VIL1: variants seen among roughly 807,000 people sequenced by gnomAD.
VIL1 encodes villin-1.
Under a neutral mutation model 104.0 loss-of-function variants are expected in VIL1, and 86 were observed. That is an observed-to-expected ratio of 0.83 (90% CI 0.69 to 0.99). VIL1 has a LOEUF of 0.99. Ranked by LOEUF, VIL1 falls within the 50% of genes least tolerant of loss-of-function variation. The pLI is 0.00. For missense variants in VIL1, 944 were observed against 1,054.1 expected, an observed-to-expected ratio of 0.90 and a Z score of 1.45; for synonymous variants, 394 against 412.6, an observed-to-expected ratio of 0.95 and a Z score of 0.55.
chr2:218,446,371 A>C lies in VIL1; in HGVS notation c.2371-2852A>C, dbSNP rs566635813. 2.6e-5 allele frequency among the ~76,000 whole-genome samples: 4 copies of C among 152,102 alleles called. No individual in the cohort carries two copies. The East Asian group carries it at 7.7e-4, about 29-fold the overall frequency. ...TGCCTCAGGCTCCCGAGTAGCTGAG[A>C]ATACAGGTTCCCACCATCATGCCTG... On this transcript the variant is annotated intron_variant, in intron 19 of 19. Transcript: ENST00000248444.
At chr2:218,423,380 G>A (rs1038754810) in intron 1 of VIL1, among the ~76,000 whole-genome samples, 16 of 152,180 alleles carry the variant, frequency 1.1e-4, no homozygotes, top group Non-Finnish European at 2.4e-4. Flanking sequence ...GTGCGACAGA[G>A]CGGGACTCCA....
chr2:218,433,043 G>C (rs955637569), intron 13 of VIL1, 92 bp downstream of exon 13: 1 of 1,513,390 alleles, frequency 6.6e-7, no homozygotes, highest in Non-Finnish European at 9.0e-7. Flanking sequence ...TGGGAGCAGG[G>C]CTTGAGGTGA....
At position 218,429,838 on chromosome 2, in the gene VIL1, C is replaced by T. The variant is rs770833042; in HGVS notation, c.850-11C>T. The T allele has an allele frequency of 1.2e-6, 2 of 1,612,464 alleles. No homozygotes were observed. The highest frequency in any genetic ancestry group is 1.7e-6 in the Non-Finnish European group (2 of 1,178,718). On this transcript the variant is annotated splice_polypyrimidine_tract_variant and intron_variant, in intron 8 of 19. Transcript: ENST00000248444. ...CCAGCTCCATCAGACTCTTACCTCTCCCGACTCTAGGACTGTTACATCCTG... is the reference window on the plus strand; with the variant it reads ...CCAGCTCCATCAGACTCTTACCTCTTCCGACTCTAGGACTGTTACATCCTG...
intron 19 of VIL1, among the ~76,000 whole-genome samples, chr2:218,445,416 A>G (rs1689348516): frequency 6.6e-6 from 1 of 152,052 alleles, no homozygotes; most frequent in Admixed American, 6.6e-5. Context: ...CCTCCCCGCC[A>G]AAACAAAAAG....
At chr2:218,422,309 T>C (rs1213955380) in intron 1 of VIL1, among the ~76,000 whole-genome samples, 1 of 152,064 alleles carries the variant, frequency 6.6e-6, no homozygotes, top group Non-Finnish European at 1.5e-5. Context: ...ACAAAGGTGA[T>C]GACAGAAATG....
rs932479463 is a variant in VIL1 at position 218,431,201 on chromosome 2, A to G, written c.1102+323A>G. 1.0e-5 allele frequency: 5 copies of G among 486,316 alleles called. No individual in the cohort carries two copies. In the Admixed American group the frequency reaches 1.6e-4, roughly 15 times the overall value. The allele number at this position is 486,316 out of a possible 1,614,324, so 30.1% of individuals were successfully genotyped here. ...CTCTACTGAAAAAAAGAACTAATAA[A>G]TTAGCCAAGCATGGTGGTGCATGCC... On this transcript the variant is annotated intron_variant, in intron 10 of 19. Transcript: ENST00000248444.
intron 19 of VIL1, among the ~76,000 whole-genome samples, chr2:218,444,097 C>T (rs1689326404): frequency 6.6e-6 from 1 of 152,168 alleles, no homozygotes; most frequent in South Asian, 2.1e-4. Flanking sequence ...TCCCAAGTAG[C>T]TGGGATTACA....
chr2:218,434,632 G>A lies in VIL1; in HGVS notation c.1607G>A (p.Arg536Gln), dbSNP rs143261714. 1.3e-3 allele frequency: 2,115 copies of A among 1,614,114 alleles called. 6 individuals are homozygous for A. Among genetic ancestry groups the A allele is most frequent in the Non-Finnish European group, 1.6e-3 (1,933 of 1,180,014 alleles). ...ACCAAGGCCTTTGAGGTCCCAGCGC[G>A]GGCCAATTTCCTCAATTCCAATGAT... is the stretch of plus-strand genomic sequence containing the variant. ...NNTKAFEVPA[R>Q]ANFLNSNDVF... Residue 536 changes from arginine (R) to glutamine (Q), a missense_variant, in exon 14 of 20, where the codon CGG becomes CAG. By Grantham distance (43) the Arg-to-Gln change is conservative. Transcript: ENST00000248444.
At chr2:218,445,073 C>T (rs1041168007) in intron 19 of VIL1, among the ~76,000 whole-genome samples, 1 of 152,116 alleles carries the variant, frequency 6.6e-6, no homozygotes, top group Non-Finnish European at 1.5e-5. Flanking sequence ...CCACTGATCC[C>T]CAAATCATTT....
chr2:218,429,525 T>A (rs779520718), intron 7 of VIL1, 38 bp downstream of exon 7: 3 of 1,613,482 alleles, frequency 1.9e-6, no homozygotes, highest in South Asian at 1.1e-5. Flanking sequence ...TGCTGGGGAC[T>A]CCCTGGGAGA....
intron 16 of VIL1, 108 bp downstream of exon 16, chr2:218,436,734 A>G (rs530324220): frequency 7.2e-7 from 1 of 1,384,350 alleles, no homozygotes; most frequent in Non-Finnish European, 9.8e-7. Context: ...TGGCCCTTAC[A>G]TAATTTCTCC....
At chr2:218,446,269 CTG>C (rs1689362320) in intron 19 of VIL1, among the ~76,000 whole-genome samples, 1 of 152,204 alleles carries the variant, frequency 6.6e-6, no homozygotes, top group Admixed American at 6.5e-5. Context: ...GAGTCTCACT[CTG>C]TTGCCCAAGC....
rs762337647 is a variant in VIL1 at position 218,431,838 on chromosome 2, A to G, written c.1103-19A>G. The G allele has an allele frequency of 6.2e-7, 1 of 1,607,064 alleles. No homozygotes were observed. The highest frequency in any genetic ancestry group is 8.5e-7 in the Non-Finnish European group (1 of 1,176,486). On this transcript the variant is annotated intron_variant, in intron 10 of 19. Coordinates refer to ENST00000248444, the MANE Select transcript of VIL1 (RefSeq NM_007127.3). ...ACCTCAGCTGGTGACAGTTGGTTTC[A>G]TGATTTCCCCCACTCTAGCCAAAGT... is the stretch of plus-strand genomic sequence containing the variant.
Position 218,437,216 on chromosome 2 carries a change from G to T in VIL1, c.2064G>T (p.Gly688=). ...AATACCTCAAGACCCATCCCAGCGG[G>T]CGTGACCCTGAGACCCCCATCATTG... ...AQEYLKTHPS[G]RDPETPIIVV... is the part of the protein sequence containing the mutation. The change falls in exon 17 of 20, where the codon GGG becomes GGT. Residue 688 remains glycine, a synonymous_variant. Coordinates refer to ENST00000248444, the MANE Select transcript of VIL1 (RefSeq NM_007127.3). 3.1e-6 allele frequency: 5 copies of T among 1,614,200 alleles called. No individual in the cohort carries two copies. The highest frequency in any genetic ancestry group is 4.2e-6 in the Non-Finnish European group (5 of 1,180,038).
In VIL1 at chr2:218,429,606, C is replaced by T; in HGVS notation, c.780C>T (p.Asp260=). 1 of 1,614,132 alleles carries T rather than the reference C, an allele frequency of 6.2e-7. No individual in the cohort carries two copies. The highest frequency in any genetic ancestry group is 8.5e-7 in the Non-Finnish European group (1 of 1,180,020). The change falls in exon 8 of 20, where the codon GAC becomes GAT. Residue 260 remains aspartate (D), a synonymous_variant. Coordinates refer to ENST00000248444, the MANE Select transcript of VIL1 (RefSeq NM_007127.3). The part of the protein sequence containing the change: ...KAALKLYHVS[D]SEGNLVVREV... ...TGCTTCTGTCCTGCAGTGTGTCTGA[C>T]TCCGAGGGGAATCTGGTGGTGAGGG...
chr2:218,443,386 C>T (rs752407977), intron 19 of VIL1, among the ~76,000 whole-genome samples: 7 of 151,436 alleles, frequency 4.6e-5, no homozygotes, highest in South Asian at 2.1e-4. Context: ...TTAGTAGAGA[C>T]GGGGTTTCAC....
intron 6 of VIL1, among the ~76,000 whole-genome samples, chr2:218,428,677 AT>A (rs370538117): frequency 6.7e-6 from 1 of 150,014 alleles, no homozygotes; most frequent in East Asian, 2.0e-4. Flanking sequence ...GTGCAAAGAG[AT>A]TTTTTTTTTG....
At chr2:218,443,291 C>A (rs548512910) in intron 19 of VIL1, among the ~76,000 whole-genome samples, 1 of 151,824 alleles carries the variant, frequency 6.6e-6, no homozygotes, top group South Asian at 2.1e-4. Flanking sequence ...CTCTGCCTCC[C>A]AGGTTCAAGC....
chr2:218,436,634 C>CA lies in VIL1; in HGVS notation c.1971+10dup. 6.2e-7 allele frequency: 1 copy of CA among 1,612,818 alleles called. No individual in the cohort carries two copies. The highest frequency in any genetic ancestry group is 1.3e-5 in the African/African-American group (1 of 74,936). The stretch of plus-strand genomic sequence containing the variant: ...CTAGATGTCTGGGACCAGGTAGGAC[C>CA]AAGGGCCTGGGGACCCCTCTTCCCA... On this transcript the variant is annotated intron_variant, in intron 16 of 19. Transcript: ENST00000248444.
Sources: allele counts gnomAD v4.1 joint callset (sites outside exome capture counted in the v4.1 genomes callset), GRCh38; gene constraint gnomAD v4.1.1; transcripts MANE v1.5; gene names NCBI Gene and HGNC (gene_info 2026-07-23, HGNC 2026-07-21).